The following RASAL2 variants were observed in gnomAD, a reference collection of about 807,000 sequenced individuals.
RASAL2 encodes the protein ras GTPase-activating protein nGAP.
In RASAL2, 58 loss-of-function variants were observed where a neutral mutation model predicts 128.9. That is an observed-to-expected ratio of 0.45 (90% CI 0.36 to 0.56). The LOEUF (loss-of-function observed/expected upper bound fraction) is 0.56. RASAL2 is among the 20% of genes least tolerant of loss of function. The pLI is 0.00. For synonymous variants in RASAL2, 561 were observed against 580.8 expected, an observed-to-expected ratio of 0.97 and a Z score of 0.49; for missense variants, 1,360 against 1,601.6, an observed-to-expected ratio of 0.85 and a Z score of 2.57.
intron 4 of RASAL2, among the ~76,000 whole-genome samples, chr1:178,397,959 T>G (rs2102641378): frequency 6.6e-6 from 1 of 152,144 alleles, no homozygotes; most frequent in South Asian, 2.1e-4. Flanking sequence ...ATATGAATTG[T>G]ATCTCAGTAA....
At chr1:178,186,868 T>C (rs1251025703) in intron 1 of RASAL2, among the ~76,000 whole-genome samples, 1 of 152,002 alleles carries the variant, frequency 6.6e-6, no homozygotes, top group Non-Finnish European at 1.5e-5. Flanking sequence ...GTGTTGCCCA[T>C]GCTAGATGAC....
chr1:178,404,947 G>T (rs1462726332), intron 4 of RASAL2, among the ~76,000 whole-genome samples: 1 of 151,988 alleles, frequency 6.6e-6, no homozygotes, highest in East Asian at 1.9e-4. Flanking sequence ...CTCTCGAAGC[G>T]CTGGGATTAC....
intron 1 of RASAL2, among the ~76,000 whole-genome samples, chr1:178,240,989 T>C (rs985335314): frequency 1.8e-4 from 27 of 151,942 alleles, no homozygotes; most frequent in African/African-American, 6.5e-4. Flanking sequence ...TGGTGTATCC[T>C]ACTGTCACAT....
At chr1:178,445,433 C>A in intron 8 of RASAL2, 85 bp from the exon 9 acceptor site, 1 of 1,371,704 alleles carries the variant, frequency 7.3e-7, no homozygotes, top group Non-Finnish European at 9.8e-7. Context: ...GCAGCATTTC[C>A]AGGATGTCTG....
intron 1 of RASAL2, among the ~76,000 whole-genome samples, chr1:178,247,689 T>C (rs1279808137): frequency 6.6e-6 from 1 of 152,226 alleles, no homozygotes; most frequent in African/African-American, 2.4e-5. Flanking sequence ...CTTTCCCACT[T>C]TCTGATATGG....
intron 1 of RASAL2, among the ~76,000 whole-genome samples, chr1:178,180,381 T>C (rs1662047915): frequency 6.6e-6 from 1 of 150,806 alleles, no homozygotes; most frequent in Non-Finnish European, 1.5e-5. Flanking sequence ...TGGTGGCTCA[T>C]TCCTGTTATA....
Position 178,295,613 on chromosome 1 carries a change from G to A in RASAL2, c.331-4379G>A, listed in dbSNP as rs541211391. Among the ~76,000 whole-genome samples the A allele has an allele frequency of 1.3e-4, 20 of 152,290 alleles. No individual in the cohort carries two copies. In the South Asian group the frequency reaches 3.9e-3, roughly 30 times the overall value. ...AGGCAGTGGTTCGCAACCTTAGTGAGCATCAGAATCAGTCGGAGGCTTGTT... is the reference window on the plus strand; with the variant it reads ...AGGCAGTGGTTCGCAACCTTAGTGAACATCAGAATCAGTCGGAGGCTTGTT... On this transcript the variant is annotated intron_variant, in intron 2 of 17. Transcript: ENST00000367649.
At chr1:178,308,078 G>A (rs548639397) in intron 3 of RASAL2, among the ~76,000 whole-genome samples, 82 of 151,958 alleles carry the variant, frequency 5.4e-4, no homozygotes, top group Admixed American at 1.1e-3. Context: ...AAGTTATCCC[G>A]TCATCTTACT....
chr1:178,202,605 G>A (rs1283323641), intron 1 of RASAL2, among the ~76,000 whole-genome samples: 2 of 152,204 alleles, frequency 1.3e-5, no homozygotes, highest in Non-Finnish European at 2.9e-5. Context: ...TATAGTCAAT[G>A]GTTTGGCCGG....
chr1:178,134,436 T>G (rs1023782405), intron 1 of RASAL2, among the ~76,000 whole-genome samples: 1 of 126,324 alleles, frequency 7.9e-6, no homozygotes, highest in Non-Finnish European at 1.6e-5. Flanking sequence ...CCAGCCTAGG[T>G]GGCAAAGTGA....
chr1:178,143,032 G>A (rs898907763), intron 1 of RASAL2, among the ~76,000 whole-genome samples: 1 of 151,882 alleles, frequency 6.6e-6, no homozygotes, highest in African/African-American at 2.4e-5. Context: ...GGCCCTGACT[G>A]TCTGCTTGAT....
At chr1:178,370,463 G>A (rs1212975695) in intron 3 of RASAL2, among the ~76,000 whole-genome samples, 1 of 152,074 alleles carries the variant, frequency 6.6e-6, no homozygotes, top group Non-Finnish European at 1.5e-5. Context: ...ACCTATTTTT[G>A]TACTACTTCT....
At chr1:178,154,650 CTAAT>C (rs1391126048) in intron 1 of RASAL2, among the ~76,000 whole-genome samples, 11 of 152,278 alleles carry the variant, frequency 7.2e-5, no homozygotes, top group African/African-American at 2.4e-4. Context: ...TCCCTGATGA[CTAAT>C]TAAGTTGAAC....
At chr1:178,447,611 C>T (rs898911998) in intron 9 of RASAL2, among the ~76,000 whole-genome samples, 16 of 131,186 alleles carry the variant, frequency 1.2e-4, no homozygotes, top group African/African-American at 4.4e-4. Flanking sequence ...GTGGAAGTTG[C>T]GGTAAGCCAA....
At position 178,126,277 on chromosome 1, in the gene RASAL2, A is replaced by T. The variant is rs546840572; in HGVS notation, c.202+31583A>T. On this transcript the variant is annotated intron_variant, in intron 1 of 17. Transcript: ENST00000367649. The stretch of plus-strand genomic sequence containing the variant: ...CTCAAATAGCCTGTTGTCTAGTTGC[A>T]GTGACAAGTCTCAAACACATGTAAA... Among the ~76,000 whole-genome samples the T allele has an allele frequency of 5.9e-5, 9 of 152,336 alleles. No homozygotes were observed. In the South Asian group the frequency reaches 1.9e-3, roughly 32 times the overall value.
chr1:178,379,187 A>G (rs1184140902), intron 3 of RASAL2, among the ~76,000 whole-genome samples: 1 of 152,188 alleles, frequency 6.6e-6, no homozygotes. Flanking sequence ...TAGAAGCAAT[A>G]AAAAACTGTA....
At chr1:178,364,253 C>T (rs1357598667) in intron 3 of RASAL2, among the ~76,000 whole-genome samples, 1 of 152,134 alleles carries the variant, frequency 6.6e-6, no homozygotes, top group African/African-American at 2.4e-5. Context: ...TTCACCTTCA[C>T]CCTTCATACC....
chr1:178,213,188 A>G (rs1365783887), intron 1 of RASAL2, among the ~76,000 whole-genome samples: 2 of 151,952 alleles, frequency 1.3e-5, no homozygotes. Flanking sequence ...GGTGCATGCT[A>G]CTGTGCCCAG....
chr1:178,448,010 A>G (rs1464534871), intron 9 of RASAL2, among the ~76,000 whole-genome samples: 1 of 152,184 alleles, frequency 6.6e-6, no homozygotes, highest in Non-Finnish European at 1.5e-5. Context: ...TAGGCAATCT[A>G]AGATACCTGT....
Sources: allele counts gnomAD v4.1 joint callset (sites outside exome capture counted in the v4.1 genomes callset), GRCh38; gene constraint gnomAD v4.1.1; transcripts MANE v1.5; gene names NCBI Gene and HGNC (gene_info 2026-07-23, HGNC 2026-07-21).